The following SLC38A4 variants were observed in gnomAD, a reference collection of about 807,000 sequenced individuals.
SLC38A4 encodes sodium-coupled neutral amino acid transporter 4.
SLC38A4 carries 20 observed loss-of-function variants against 63.1 expected under a neutral mutation model. The observed-to-expected ratio is 0.32, with a 90% CI of 0.22 to 0.46. The LOEUF (loss-of-function observed/expected upper bound fraction) is 0.46, where lower values mean the gene tolerates loss of function less well. Ranked by LOEUF, SLC38A4 falls within the 20% of genes least tolerant of loss-of-function variation. The pLI is 1.00. For missense variants in SLC38A4, 526 were observed against 663.6 expected, an observed-to-expected ratio of 0.79 and a Z score of 2.28; for synonymous variants, 230 against 225.5, an observed-to-expected ratio of 1.02 and a Z score of -0.18.
At chr12:46,778,839 A>C (rs951879495) in intron 10 of SLC38A4, 63 bp from the exon 11 acceptor site, 3 of 1,502,700 alleles carry the variant, frequency 2.0e-6, no homozygotes, top group South Asian at 2.5e-5. Context: ...ATGAAATAAG[A>C]ATCCATATGT....
chr12:46,780,181 T>C, intron 7 of SLC38A4, 151 bp from the exon 8 acceptor site: 1 of 639,048 alleles, frequency 1.6e-6, no homozygotes, highest in Non-Finnish European at 2.8e-6. Context: ...CCAAGTTCTC[T>C]TCCAAGATAG....
intron 14 of SLC38A4, among the ~76,000 whole-genome samples, chr12:46,774,714 T>C (rs1339792934): frequency 6.6e-6 from 1 of 152,052 alleles, no homozygotes; most frequent in Non-Finnish European, 1.5e-5. Context: ...TGAAAGTTAA[T>C]ATGGTTTTGG....
chr12:46,767,530 G>A (rs1435792592), intron 16 of SLC38A4, among the ~76,000 whole-genome samples: 2 of 151,876 alleles, frequency 1.3e-5, no homozygotes, highest in African/African-American at 4.8e-5. Flanking sequence ...CAAGCAAGAC[G>A]GACTACATAG....
intron 5 of SLC38A4, among the ~76,000 whole-genome samples, chr12:46,787,096 A>T (rs1185569562): frequency 2.0e-5 from 3 of 152,226 alleles, no homozygotes; most frequent in Admixed American, 2.0e-4. Flanking sequence ...GTCAACTACC[A>T]GATGCTGCTA....
chr12:46,798,041 C>T (rs1442193009), intron 2 of SLC38A4, among the ~76,000 whole-genome samples: 4 of 151,978 alleles, frequency 2.6e-5, no homozygotes, highest in African/African-American at 9.7e-5. Context: ...TTTCTTTCAC[C>T]TTCACTCTTG....
At chr12:46,822,321 A>G (rs1592198952) in intron 1 of SLC38A4, among the ~76,000 whole-genome samples, 1 of 152,284 alleles carries the variant, frequency 6.6e-6, no homozygotes, top group East Asian at 1.9e-4. Flanking sequence ...TATTTTTATG[A>G]GACCTAAGAT....
At chr12:46,828,471 G>A (rs1018367584), upstream of SLC38A4, among the ~76,000 whole-genome samples, 12 of 151,924 alleles carry the variant, frequency 7.9e-5, no homozygotes, top group African/African-American at 2.4e-4. Flanking sequence ...ACAGGCGCAC[G>A]TCACCACATC....
At position 46,801,547 on chromosome 12, in the gene SLC38A4, A is replaced by G. The variant is rs1939132828; in HGVS notation, c.-113+2056T>C. 2.6e-5 allele frequency among the ~76,000 whole-genome samples: 4 copies of G among 152,220 alleles called. No individual in the cohort carries two copies. The South Asian group carries it at 8.3e-4, about 32-fold the overall frequency. The stretch of plus-strand genomic sequence containing the variant: ...GTCTCATCTTTCATGCCTACCCAGT[A>G]TTGACAAATTCACTTTGAAATTTAG... On this transcript the variant is annotated intron_variant, in intron 2 of 16. Transcript: ENST00000266579.
intron 1 of SLC38A4, among the ~76,000 whole-genome samples, chr12:46,811,127 A>AT (rs1939332587): frequency 1.3e-5 from 2 of 152,172 alleles, no homozygotes; most frequent in African/African-American, 4.8e-5. Flanking sequence ...TTCAACAAAC[A>AT]TTACTGAACA....
intron 5 of SLC38A4, among the ~76,000 whole-genome samples, chr12:46,786,438 G>A (rs560594711): frequency 6.6e-6 from 1 of 152,078 alleles, no homozygotes; most frequent in East Asian, 1.9e-4. Context: ...CTAAAATGAG[G>A]CCCTCATTTT....
At chr12:46,789,305 G>A (rs777170462) in intron 3 of SLC38A4, among the ~76,000 whole-genome samples, 7 of 151,958 alleles carry the variant, frequency 4.6e-5, no homozygotes, top group South Asian at 2.1e-4. Context: ...CTGTGTGTGC[G>A]TATGTGTTTT....
intron 1 of SLC38A4, among the ~76,000 whole-genome samples, chr12:46,819,400 C>A (rs1939499266): frequency 6.6e-6 from 1 of 151,396 alleles, no homozygotes; most frequent in African/African-American, 2.4e-5. Context: ...GCTAATTACC[C>A]AGATTTGATC....
At chr12:46,793,230 A>C (rs1476504627) in intron 2 of SLC38A4, 47 bp from the exon 3 acceptor site, 1 of 473,298 alleles carries the variant, frequency 2.1e-6, no homozygotes, top group East Asian at 3.5e-5. Flanking sequence ...ATTTAAATGA[A>C]ATAAGTGAAT....
At position 46,793,129 on chromosome 12, in the gene SLC38A4, T is replaced by G; in HGVS notation, c.-58A>C. 2 of 1,228,662 alleles carry G rather than the reference T, an allele frequency of 1.6e-6. No individual in the cohort carries two copies. The highest frequency in any genetic ancestry group is 2.4e-5 in the South Asian group (2 of 82,506). The allele number at this position is 1,228,662 out of a possible 1,614,324, so 76.1% of individuals were successfully genotyped here. On this transcript the variant is annotated 5_prime_UTR_variant, in exon 3 of 17. Coordinates refer to ENST00000266579, the MANE Select transcript of SLC38A4 (RefSeq NM_018018.5). Reference sequence around the variant, plus strand: ...AGCCCCTTCAGTGTAAATAATATACTGTACCTTCAGCTTAAGGTTCTTCCA... The same window carrying G: ...AGCCCCTTCAGTGTAAATAATATACGGTACCTTCAGCTTAAGGTTCTTCCA...
At chr12:46,805,558 A>G (rs1292573415) in intron 1 of SLC38A4, among the ~76,000 whole-genome samples, 2 of 152,036 alleles carry the variant, frequency 1.3e-5, no homozygotes, top group African/African-American at 4.8e-5. Flanking sequence ...TAATCATTAT[A>G]ATTATAATTT....
chr12:46,826,121 G>T (rs962442007), upstream of SLC38A4: 1 of 152,294 alleles, frequency 6.6e-6, no homozygotes, highest in Non-Finnish European at 1.5e-5. Flanking sequence ...AGCCAAAGTT[G>T]CCTGTTGGTA....
chr12:46,781,780 G>A (rs562807828), intron 7 of SLC38A4, among the ~76,000 whole-genome samples: 6 of 152,070 alleles, frequency 3.9e-5, no homozygotes, highest in Non-Finnish European at 5.9e-5. Context: ...GTTTAGAAGC[G>A]TAGTAGTGGC....
At chr12:46,797,648 T>A (rs1939043234) in intron 2 of SLC38A4, among the ~76,000 whole-genome samples, 1 of 152,178 alleles carries the variant, frequency 6.6e-6, no homozygotes, top group African/African-American at 2.4e-5. Context: ...CATCTATACC[T>A]GTCTGTCTAT....
chr12:46,784,440 T>C (rs1938716058), intron 7 of SLC38A4, 102 bp downstream of exon 7: 8 of 762,148 alleles, frequency 1.0e-5, no homozygotes, highest in Non-Finnish European at 4.0e-6. Flanking sequence ...TAAGTAGCAA[T>C]TTTTCTGTAT....
Sources: gnomAD v4.1 joint callset for allele counts (sites outside exome capture counted in the v4.1 genomes callset) on GRCh38, gnomAD v4.1.1 for gene constraint, MANE v1.5 for transcripts, NCBI Gene and HGNC (gene_info 2026-07-23, HGNC 2026-07-21) for gene names.